Variants in GPAT3 observed in about 807,000 individuals in gnomAD.
GPAT3 encodes 1-AGP acyltransferase 9.
GPAT3 carries 53 observed loss-of-function variants against 58.8 expected under a neutral mutation model. That is an observed-to-expected ratio of 0.90 (90% confidence interval 0.72 to 1.13). The LOEUF (loss-of-function observed/expected upper bound fraction) is 1.13, where lower values mean the gene tolerates loss of function less well. GPAT3 is among the 50% of genes most tolerant of loss of function. GPAT3 has a pLI of 0.00. For synonymous variants in GPAT3, 197 were observed against 187.4 expected (o/e 1.05, Z -0.42); for missense variants, 511 against 527.6 (o/e 0.97, Z 0.31).
At chr4:83,562,197 ATAATATATATATATT>A (rs1342927251) in intron 2 of GPAT3, among the ~76,000 whole-genome samples, 1 of 42,092 alleles carries the variant, frequency 2.4e-5, no homozygotes, top group Non-Finnish European at 4.0e-5. Flanking sequence ...ATATATATAT[ATAATATATATATATT>A]ATATATATAT....
At chr4:83,546,222 C>T (rs1189707195) in intron 2 of GPAT3, among the ~76,000 whole-genome samples, 9 of 151,994 alleles carry the variant, frequency 5.9e-5, no homozygotes, top group South Asian at 4.2e-4. Context: ...TGACCTCAAG[C>T]GATCCTCCCA....
At chr4:83,574,867 CTTT>C (rs559690278) in intron 2 of GPAT3, among the ~76,000 whole-genome samples, 1 of 112,926 alleles carries the variant, frequency 8.9e-6, no homozygotes, top group African/African-American at 3.1e-5. Flanking sequence ...ACATTTCTTT[CTTT>C]TTTTTTTTTT....
At chr4:83,598,751 C>CATTTT (rs1726945579) in intron 11 of GPAT3, 28 bp downstream of exon 11, 1 of 127,206 alleles carries the variant, frequency 7.9e-6, no homozygotes, top group Non-Finnish European at 1.5e-5. Context: ...AGTACTATCA[C>CATTTT]TTTTTTTTTT....
intron 1 of GPAT3, among the ~76,000 whole-genome samples, chr4:83,537,482 C>T (rs1027455730): frequency 6.6e-6 from 1 of 152,016 alleles, no homozygotes; most frequent in Non-Finnish European, 1.5e-5. Flanking sequence ...CAAGTGCCAA[C>T]CCCCTTTTAC....
intron 2 of GPAT3, among the ~76,000 whole-genome samples, chr4:83,579,029 T>A (rs1560620913): frequency 4.8e-5 from 1 of 20,650 alleles, no homozygotes; most frequent in Non-Finnish European, 9.5e-5. Context: ...TTTCTTTCTT[T>A]CTTTCTTTCT....
rs562289063 is a variant in GPAT3 at position 83,542,641 on chromosome 4, C to T, written c.142-1895C>T. On this transcript the variant is annotated intron_variant, in intron 1 of 11. Coordinates refer to ENST00000264409, the MANE Select transcript of GPAT3 (RefSeq NM_032717.5). ...ATTTATTTGAAAAAAATTTTAACCTCTCTAGTCAACAGACTCTTTTGAGCT... is the reference window on the plus strand; with the variant it reads ...ATTTATTTGAAAAAAATTTTAACCTTTCTAGTCAACAGACTCTTTTGAGCT... 4.5e-4 allele frequency among the ~76,000 whole-genome samples: 68 copies of T among 152,310 alleles called. 1 individual carries two copies. The highest frequency in any genetic ancestry group is 9.0e-4 in the Non-Finnish European group (61 of 68,022).
At chr4:83,547,401 C>T (rs185818040) in intron 2 of GPAT3, among the ~76,000 whole-genome samples, 2,772 of 151,426 alleles carry the variant, frequency 0.018, 37 homozygotes, top group Non-Finnish European at 0.029. Context: ...TACAGGTGCC[C>T]GCCACCACGC....
At chr4:83,542,842 A>G (rs1724354286) in intron 1 of GPAT3, among the ~76,000 whole-genome samples, 1 of 152,028 alleles carries the variant, frequency 6.6e-6, no homozygotes, top group Admixed American at 6.5e-5. Flanking sequence ...TACTAAAAAT[A>G]CAAAAATTGG....
chr4:83,542,397 T>C (rs539817206), intron 1 of GPAT3, among the ~76,000 whole-genome samples: 1 of 152,214 alleles, frequency 6.6e-6, no homozygotes, highest in Non-Finnish European at 1.5e-5. Flanking sequence ...GATAACAGGA[T>C]GCAATCAGAT....
Position 83,588,126 on chromosome 4 carries a change from G to A in GPAT3, c.555-84G>A, listed in dbSNP as rs1726452994. 18 of 1,166,326 alleles carry A rather than the reference G, an allele frequency of 1.5e-5. No homozygotes were observed. In the South Asian group the frequency reaches 1.8e-4, roughly 12 times the overall value. 72.2% of individuals were successfully genotyped at this position (1,166,326 alleles called of 1,614,324 possible). A position where few individuals can be genotyped will look rare whatever the true frequency, so the allele number is the denominator to read the frequency against. ...CCAGAATAGAATGTGGTATGCTGTT[G>A]TGAAAAAGCACATTAAAACCTTTAT... On this transcript the variant is annotated intron_variant, in intron 4 of 11. Coordinates refer to ENST00000264409, the MANE Select transcript of GPAT3 (RefSeq NM_032717.5).
chr4:83,591,774 A>G (rs1001666498), intron 6 of GPAT3, among the ~76,000 whole-genome samples: 3 of 152,196 alleles, frequency 2.0e-5, no homozygotes, highest in African/African-American at 7.2e-5. Context: ...ATGAGGAAGC[A>G]GAGGCTTAGG....
chr4:83,598,695 A>C lies in GPAT3; in HGVS notation c.1177A>C (p.Ile393Leu), dbSNP rs764373736. Residue 393 changes from isoleucine (I) to leucine (L), a missense_variant, in exon 11 of 12, where the codon ATA (isoleucine) becomes CTA (leucine). Transcript: ENST00000264409. ...FANRVKSAIAIQGGLTELPWD... is the reference protein window; with the variant it reads ...FANRVKSAIALQGGLTELPWD... ...TAACAGGGTTAAGTCTGCTATTGCT[A>C]TACAAGGAGGCCTGACTGAACTTCC... 2 of 1,554,310 alleles carry C rather than the reference A, an allele frequency of 1.3e-6. No homozygotes were observed. Among genetic ancestry groups the C allele is most frequent in the African/African-American group, 2.8e-5 (2 of 71,774 alleles).
chr4:83,557,609 C>T lies in GPAT3; in HGVS notation c.208+13007C>T, dbSNP rs183279165. On this transcript the variant is annotated intron_variant, in intron 2 of 11. Coordinates refer to ENST00000264409, the MANE Select transcript of GPAT3 (RefSeq NM_032717.5). The stretch of plus-strand genomic sequence containing the variant: ...TGCAGCCCACAGGCCATGGGTTGGA[C>T]AAGATGCCCTAAACCATGATATGTC... Among the ~76,000 whole-genome samples the T allele has an allele frequency of 2.6e-5, 4 of 152,332 alleles. No individual in the cohort carries two copies. The East Asian group carries it at 7.7e-4, about 29-fold the overall frequency.
intron 10 of GPAT3, 196 bp from the exon 11 acceptor site, chr4:83,598,448 A>G (rs1381016887): frequency 2.8e-6 from 2 of 704,356 alleles, no homozygotes; most frequent in Non-Finnish European, 4.7e-6. Context: ...ATATATGCAC[A>G]TGGTAAAAAA....
chr4:83,573,320 G>A (rs1413207086), intron 2 of GPAT3, among the ~76,000 whole-genome samples: 1 of 151,968 alleles, frequency 6.6e-6, no homozygotes, highest in Non-Finnish European at 1.5e-5. Context: ...TGTATTTTTA[G>A]TAGAGATGGG....
intron 4 of GPAT3, 86 bp from the exon 5 acceptor site, chr4:83,588,124 T>C (rs1444716393): frequency 4.4e-6 from 5 of 1,126,138 alleles, no homozygotes; most frequent in Non-Finnish European, 6.6e-6. Flanking sequence ...TGGTATGCTG[T>C]TGTGAAAAAG....
At chr4:83,571,709 T>C (rs750276380) in intron 2 of GPAT3, among the ~76,000 whole-genome samples, 11 of 101,886 alleles carry the variant, frequency 1.1e-4, no homozygotes, top group Non-Finnish European at 2.5e-4. Flanking sequence ...CACACACACA[T>C]ATATATACAC....
chr4:83,596,861 A>G lies in GPAT3; in HGVS notation c.858A>G (p.Leu286=), dbSNP rs763321343. The G allele has an allele frequency of 6.2e-6, 10 of 1,604,404 alleles. No homozygotes were observed. Among genetic ancestry groups the G allele is most frequent in the South Asian group, 1.1e-5 (1 of 88,378 alleles). The change falls in exon 8 of 12, where the codon CTA becomes CTG. Residue 286 remains leucine, a synonymous_variant. Transcript: ENST00000264409. ...MKDRHLVTKR[L]KEHIADKKKL... ...TTGATCCTTTTTTTTTCCATAGACT[A>G]AAAGAACATATTGCTGATAAGAAGA... is the stretch of plus-strand genomic sequence containing the variant.
At chr4:83,578,898 T>C (rs374535624) in intron 2 of GPAT3, among the ~76,000 whole-genome samples, 1 of 138,236 alleles carries the variant, frequency 7.2e-6, no homozygotes, top group South Asian at 2.7e-4. Context: ...TCCCTCCCTC[T>C]TTCTTTTCTT....
Sources: allele counts gnomAD v4.1 joint callset (sites outside exome capture counted in the v4.1 genomes callset), GRCh38; gene constraint gnomAD v4.1.1; transcripts MANE v1.5; gene names NCBI Gene and HGNC (gene_info 2026-07-23, HGNC 2026-07-21).